Variants in KDM4B observed in about 807,000 individuals in gnomAD.
The protein encoded by KDM4B is lysine-specific demethylase 4B.
In KDM4B, 32 loss-of-function variants were observed where a neutral mutation model predicts 125.2. The ratio of observed to expected loss-of-function variants is 0.26; its 90% CI spans 0.19 to 0.34. KDM4B has a LOEUF of 0.34. Among genes scored for constraint, KDM4B ranks in the 10% least tolerant of loss-of-function variants. The probability of loss-of-function intolerance (pLI) is 1.00; values close to 1 mark genes in which losing one functional copy is unlikely to be tolerated. For synonymous variants in KDM4B, 721 were observed against 677.9 expected (o/e 1.06, Z -0.99); for missense variants, 1,190 against 1,577.7 (o/e 0.75, Z 4.16).
At position 5,131,095 on chromosome 19, in the gene KDM4B, G is replaced by T; in HGVS notation, c.1335G>T (p.Leu445=). The T allele has an allele frequency of 1.3e-6, 2 of 1,513,426 alleles. No individual in the cohort carries two copies. Among genetic ancestry groups the T allele is most frequent in the Non-Finnish European group, 1.8e-6 (2 of 1,130,684 alleles). 93.7% of individuals were successfully genotyped at this position (1,513,426 alleles called of 1,614,324 possible). Residue 445 remains leucine, a synonymous_variant, in exon 12 of 23, where the codon CTG becomes CTT. Transcript: ENST00000159111. ...CCACAGAGGACGGGAGGGGCAAGCT[G>T]CGGCCAACCAAGGCCAAGAGCGAGC... ...EGAEEDGRGK[L]RPTKAKSERK...
In KDM4B at chr19:5,137,246, C is replaced by A; in HGVS notation, c.2309-16C>A. 1 of 1,559,636 alleles carries A rather than the reference C, an allele frequency of 6.4e-7. No individual in the cohort carries two copies. The highest frequency in any genetic ancestry group is 8.7e-7 in the Non-Finnish European group (1 of 1,151,452). On this transcript the variant is annotated splice_polypyrimidine_tract_variant and intron_variant, in intron 15 of 22. Coordinates refer to ENST00000159111, the MANE Select transcript of KDM4B (RefSeq NM_015015.3). Reference sequence around the variant, plus strand: ...ACCTGCCCCCCAGATCTCAGCCAGCCCCCGCTGTCTTCCAGGTTGCTATGG... The same window carrying A: ...ACCTGCCCCCCAGATCTCAGCCAGCACCCGCTGTCTTCCAGGTTGCTATGG...
In KDM4B at chr19:5,123,498, C is replaced by T. The variant is rs556074023; in HGVS notation, c.1315+3646C>T. ...CCAAGGGTCTCATCATAACTCATTC[C>T]GTCTGCAGTGACGCCCTTCCCAAAC... On this transcript the variant is annotated intron_variant, in intron 11 of 22. Transcript: ENST00000159111. Among the ~76,000 whole-genome samples, 187 of 152,358 alleles carry T rather than the reference C, an allele frequency of 1.2e-3. 1 individual carries two copies. The highest frequency in any genetic ancestry group is 2.3e-3 in the Non-Finnish European group (159 of 68,036).
At chr19:5,095,988 G>T (rs547983541) in intron 9 of KDM4B, among the ~76,000 whole-genome samples, 43 of 152,370 alleles carry the variant, frequency 2.8e-4, no homozygotes, top group African/African-American at 1.0e-3. Context: ...CGAAAAGTCA[G>T]CTTCACAGGG....
Position 5,039,719 on chromosome 19 carries a change from G to A in KDM4B, c.142-117G>A, listed in dbSNP as rs552876774. 4.3e-6 allele frequency: 5 copies of A among 1,171,016 alleles called. 1 individual carries two copies. The South Asian group carries it at 7.3e-5, about 17-fold the overall frequency. The allele number at this position is 1,171,016 out of a possible 1,614,324, so 72.5% of individuals were successfully genotyped here. A position where few individuals can be genotyped will look rare whatever the true frequency, so the allele number is the denominator to read the frequency against. On this transcript the variant is annotated intron_variant, in intron 3 of 22. Transcript: ENST00000159111. ...GGGGTTCCTCGTGCCCCTGGGGGGT[G>A]TCCCGAGGTGCAGATCTTGGGGGGT...
intron 6 of KDM4B, chr19:5,070,704 A>G (rs537992263): frequency 3.4e-6 from 1 of 291,260 alleles, no homozygotes; most frequent in East Asian, 6.8e-5. Context: ...TTGCCTTTTC[A>G]GCCTCCTCGA....
rs117028741 is a variant in KDM4B at position 5,132,217 on chromosome 19, G to A, written c.1906+210G>A. 1.1e-3 allele frequency among the ~76,000 whole-genome samples: 171 copies of A among 152,312 alleles called. 5 individuals carry two copies. The East Asian group carries it at 0.028, about 25-fold the overall frequency. Reference sequence around the variant, plus strand: ...GAGGCAGCTGCTGTTAGAGATGCTCGGCTCTGCTCTGCTGGCTGGGCTGCC... The same window carrying A: ...GAGGCAGCTGCTGTTAGAGATGCTCAGCTCTGCTCTGCTGGCTGGGCTGCC... On this transcript the variant is annotated intron_variant, in intron 13 of 22. Transcript: ENST00000159111.
intron 11 of KDM4B, among the ~76,000 whole-genome samples, chr19:5,123,552 G>A (rs2039399492): frequency 6.6e-6 from 1 of 152,238 alleles, no homozygotes; most frequent in African/African-American, 2.4e-5. Context: ...CGGGGGCTAG[G>A]ACTGCAGCAC....
chr19:5,141,406 C>T lies in KDM4B; in HGVS notation c.2551-2561C>T, dbSNP rs1256320404. 2 of 152,264 alleles carry T rather than the reference C, an allele frequency of 1.3e-5. No individual in the cohort carries two copies. The highest frequency in any genetic ancestry group is 1.5e-5 in the Non-Finnish European group (1 of 68,042). 9.4% of individuals were successfully genotyped at this position (152,264 alleles called of 1,614,324 possible). On this transcript the variant is annotated intron_variant, in intron 18 of 22. Transcript: ENST00000159111. This position sits in a 1 kb window ranked among gnomAD's most constrained non-coding sequence, Gnocchi z 6.4. ...TGCGATGCGTGGTGCAGTGATAAGTCCTCCTGCCCGACGCCTTATGGATCA... is the reference window on the plus strand; with the variant it reads ...TGCGATGCGTGGTGCAGTGATAAGTTCTCCTGCCCGACGCCTTATGGATCA...
intron 7 of KDM4B, chr19:5,076,624 A>C (rs74172686): frequency 7.5e-5 from 4 of 53,078 alleles, no homozygotes; most frequent in Non-Finnish European, 1.6e-4. Flanking sequence ...GCCACACTGC[A>C]TCCTTTCCCC....
At chr19:5,051,659 A>G (rs936062239) in intron 6 of KDM4B, among the ~76,000 whole-genome samples, 2 of 152,224 alleles carry the variant, frequency 1.3e-5, no homozygotes, top group Admixed American at 6.5e-5. Flanking sequence ...GCCTCTGCTC[A>G]GGCTTAGGGA....
In KDM4B at chr19:5,145,218, T is replaced by G. The variant is rs558269588; in HGVS notation, c.3021+316T>G. ...GAGTGTACAGCTCAGTACCCCTGGG[T>G]TTTTTTTTTTTTAATCAAATTGGTA... On this transcript the variant is annotated intron_variant, in intron 21 of 22. Transcript: ENST00000159111. Among the ~76,000 whole-genome samples, 13 of 124,814 alleles carry G rather than the reference T, an allele frequency of 1.0e-4. No homozygotes were observed. The East Asian group carries it at 2.2e-3, about 21-fold the overall frequency. 81.9% of individuals were successfully genotyped at this position (124,814 alleles called of 152,430 possible). A position where few individuals can be genotyped will look rare whatever the true frequency, so the allele number is the denominator to read the frequency against.
intron 1 of KDM4B, among the ~76,000 whole-genome samples, chr19:5,014,919 C>A (rs560639574): frequency 6.6e-6 from 1 of 151,268 alleles, no homozygotes; most frequent in Non-Finnish European, 1.5e-5. Context: ...TGCTTGAACC[C>A]GGCAGGCGGA....
intron 8 of KDM4B, chr19:5,080,850 C>T (rs941587428): frequency 3.3e-5 from 5 of 152,150 alleles, no homozygotes; most frequent in Admixed American, 1.3e-4. Flanking sequence ...CACGCGCAAC[C>T]GAGTACTGTT....
intron 6 of KDM4B, among the ~76,000 whole-genome samples, chr19:5,070,192 T>C (rs1004227061): frequency 6.6e-6 from 1 of 152,108 alleles, no homozygotes; most frequent in African/African-American, 2.4e-5. Context: ...CCCCTTCGCT[T>C]GGAAATTGAG....
intron 10 of KDM4B, 112 bp downstream of exon 10, chr19:5,110,930 C>G: frequency 1.2e-6 from 1 of 809,378 alleles, no homozygotes. Context: ...TCCCACTCCT[C>G]CCTTTCTTCC....
At chr19:5,118,987 C>G in intron 10 of KDM4B, 1 of 621,444 alleles carries the variant, frequency 1.6e-6, no homozygotes, top group South Asian at 2.0e-5. Flanking sequence ...TGAGCTGGGG[C>G]TCCCATGCAC....
chr19:5,067,208 C>G (rs543064051), intron 6 of KDM4B, among the ~76,000 whole-genome samples: 7 of 152,290 alleles, frequency 4.6e-5, no homozygotes, highest in African/African-American at 1.4e-4. Context: ...CTGCAAGAGT[C>G]CTTGTTGCAC....
At chr19:5,004,683 T>C (rs1568220426) in intron 1 of KDM4B, among the ~76,000 whole-genome samples, 1 of 152,090 alleles carries the variant, frequency 6.6e-6, no homozygotes, top group Non-Finnish European at 1.5e-5. Context: ...GGAGTCCCCG[T>C]ACCCCCGTGC....
chr19:5,082,573 A>G lies in KDM4B; in HGVS notation c.918+69A>G, dbSNP rs1156717963. 13 of 1,495,446 alleles carry G rather than the reference A, an allele frequency of 8.7e-6. No homozygotes were observed. Among genetic ancestry groups the G allele is most frequent in the Non-Finnish European group, 1.2e-5 (13 of 1,119,440 alleles). The allele number at this position is 1,495,446 out of a possible 1,614,324, so 92.6% of individuals were successfully genotyped here. ...GAGGCTCTTTTTTGCCTCTGCAGCC[A>G]CACGCCCATAGCTGGTCCAGCAGCC... On this transcript the variant is annotated intron_variant, in intron 9 of 22. Coordinates refer to ENST00000159111, the MANE Select transcript of KDM4B (RefSeq NM_015015.3). The surrounding 1 kb of genome is among the most constrained non-coding windows in gnomAD (Gnocchi z 5.4).
Sources: gnomAD v4.1 joint callset for allele counts (sites outside exome capture counted in the v4.1 genomes callset) on GRCh38, gnomAD v4.1.1 for gene constraint, Gnocchi (gnomAD v3.1) non-coding constraint, MANE v1.5 for transcripts, NCBI Gene and HGNC (gene_info 2026-07-23, HGNC 2026-07-21) for gene names.